Variants in NHSL2 observed in about 807,000 individuals in gnomAD.
The protein encoded by NHSL2 is NHS like 2, also known as NHS-like protein 2.
NHSL2 carries 27 observed loss-of-function variants against 53.4 expected under a neutral mutation model. That is an observed-to-expected ratio of 0.51 (90% CI 0.37 to 0.70). The LOEUF is 0.70. Ranked by LOEUF, NHSL2 falls within the 30% of genes least tolerant of loss-of-function variation. The pLI, the probability that NHSL2 is intolerant of heterozygous loss-of-function variation, is 0.00. For synonymous variants in NHSL2, 408 were observed against 404.1 expected, an observed-to-expected ratio of 1.01 and a Z score of -0.12; for missense variants, 892 against 980.1, an observed-to-expected ratio of 0.91 and a Z score of 1.20.
chrX:71,956,098 G>A (rs759928620), intron 1 of NHSL2, among the ~76,000 whole-genome samples: 1 of 111,565 alleles, frequency 9.0e-6, no homozygotes, highest in African/African-American at 3.3e-5. Flanking sequence ...AAAGCTACTT[G>A]GAGGCCACAT....
chrX:72,005,692 C>G (rs2042091366), intron 1 of NHSL2, among the ~76,000 whole-genome samples: 1 of 111,464 alleles, frequency 9.0e-6, no homozygotes, highest in African/African-American at 3.3e-5. Flanking sequence ...TGGTTTAGAA[C>G]TGGGGAATCA....
chrX:71,945,413 C>T (rs1459096225), intron 1 of NHSL2, among the ~76,000 whole-genome samples: 2 of 111,896 alleles, frequency 1.8e-5, no homozygotes, highest in Admixed American at 9.4e-5. Flanking sequence ...GAACAGTGTG[C>T]GTTACTGTGT....
intron 1 of NHSL2, among the ~76,000 whole-genome samples, chrX:72,065,309 C>A (rs1368847372): frequency 8.9e-6 from 1 of 112,227 alleles, no homozygotes; most frequent in Non-Finnish European, 1.9e-5. Flanking sequence ...GCTTCAAACA[C>A]CCAAACTTTG....
rs771342816 is a variant in NHSL2, at chrX:72,040,642, C to A, written c.281-91437C>A. On this transcript the variant is annotated intron_variant, in intron 1 of 7. Transcript: ENST00000633930. ...CTTCGTTATTTTATTCCAGGAGCATCCCCTGAGCACGTGCAGTGTGCCAGG... is the reference window on the plus strand; with the variant it reads ...CTTCGTTATTTTATTCCAGGAGCATACCCTGAGCACGTGCAGTGTGCCAGG... Among the ~76,000 whole-genome samples the A allele has an allele frequency of 1.4e-4, 16 of 112,220 alleles. 1 individual carries two copies. In the South Asian group the frequency reaches 5.9e-3, roughly 42 times the overall value.
Position 72,137,240 on chromosome X carries a change from G to A in NHSL2, c.892+15G>A, listed in dbSNP as rs1286373200. ...GCGAGACCAAGGTGACCCCACCACA[G>A]CTGATTCCCCAGTCCCTTCCCCTTA... On this transcript the variant is annotated intron_variant, in intron 5 of 7. Coordinates refer to ENST00000633930, the MANE Select transcript of NHSL2 (RefSeq NM_001013627.3). 8.6e-7 allele frequency: 1 copy of A among 1,156,732 alleles called. No individual in the cohort carries two copies. Among genetic ancestry groups the A allele is most frequent in the Non-Finnish European group, 1.2e-6 (1 of 864,244 alleles).
chrX:71,999,105 G>C (rs919968178), intron 1 of NHSL2, among the ~76,000 whole-genome samples: 9 of 111,834 alleles, frequency 8.0e-5, no homozygotes, highest in African/African-American at 2.6e-4. Context: ...GGGAGCTCTT[G>C]TTCATCCTTG....
chrX:72,119,367 C>T (rs2042164780), intron 1 of NHSL2, among the ~76,000 whole-genome samples: 1 of 111,912 alleles, frequency 8.9e-6, no homozygotes, highest in Admixed American at 9.4e-5. Context: ...GGAATATTGC[C>T]ATCTTAACAA....
In NHSL2 at chrX:71,956,567, T is replaced by G. The variant is rs567934838; in HGVS notation, c.280+45200T>G. On this transcript the variant is annotated intron_variant, in intron 1 of 7. Coordinates refer to ENST00000633930, the MANE Select transcript of NHSL2 (RefSeq NM_001013627.3). ...TCTAAACAGCAATTTTTAAAAAACA[T>G]AAAAGAAGTGTAATCTACTTTGCTT... Among the ~76,000 whole-genome samples, 3 of 111,649 alleles carry G rather than the reference T, an allele frequency of 2.7e-5. No individual in the cohort carries two copies. The South Asian group carries it at 1.2e-3, about 43-fold the overall frequency.
intron 1 of NHSL2, chrX:72,130,330 TTC>T (rs768319540): frequency 3.5e-5 from 41 of 1,171,719 alleles, no homozygotes; most frequent in Admixed American, 2.5e-4. Context: ...CTCCTCCTCT[TTC>T]TGTTTCATTT....
chrX:72,013,812 G>T (rs1256307697), intron 1 of NHSL2, among the ~76,000 whole-genome samples: 2 of 110,858 alleles, frequency 1.8e-5, no homozygotes, highest in Admixed American at 1.9e-4. Flanking sequence ...ATAAGTGTTA[G>T]ATTTTATCAA....
At chrX:72,131,260 G>C in intron 1 of NHSL2, 1 of 1,199,195 alleles carries the variant, frequency 8.3e-7, no homozygotes, top group Non-Finnish European at 1.1e-6. Context: ...GTCGGGCTCC[G>C]CGCGTGGGGG....
intron 1 of NHSL2, among the ~76,000 whole-genome samples, chrX:72,021,470 G>C (rs752658615): frequency 1.8e-5 from 2 of 111,856 alleles, no homozygotes; most frequent in Admixed American, 1.9e-4. Flanking sequence ...TCAGGGCCCA[G>C]GTAGGCCTTC....
chrX:72,028,015 C>T (rs1449005281), intron 1 of NHSL2, among the ~76,000 whole-genome samples: 2 of 111,729 alleles, frequency 1.8e-5, no homozygotes, highest in African/African-American at 3.3e-5. Flanking sequence ...GCTGCTGCCA[C>T]TGCTGCTGCT....
intron 1 of NHSL2, among the ~76,000 whole-genome samples, chrX:72,116,067 C>T (rs749337316): frequency 9.0e-6 from 1 of 111,615 alleles, no homozygotes; most frequent in South Asian, 3.8e-4. Context: ...ACCAGGCAGC[C>T]TGGGTTATAG....
chrX:71,942,037 T>G, intron 1 of NHSL2, among the ~76,000 whole-genome samples: 1 of 101,934 alleles, frequency 9.8e-6, no homozygotes, highest in Non-Finnish European at 2.0e-5. Flanking sequence ...CCAGCTCAGA[T>G]TTGGAAGGGG....
chrX:72,041,934 C>T (rs1489390445), intron 1 of NHSL2, among the ~76,000 whole-genome samples: 2 of 112,054 alleles, frequency 1.8e-5, no homozygotes, highest in African/African-American at 3.3e-5. Flanking sequence ...GTCGTGCGCT[C>T]GGGAGCCACC....
chrX:72,086,756 A>G (rs924260229), intron 1 of NHSL2, among the ~76,000 whole-genome samples: 21 of 110,520 alleles, frequency 1.9e-4, no homozygotes, highest in Admixed American at 1.1e-3. Context: ...TCAAAGGGGT[A>G]AAAACATGAG....
chrX:72,134,635 A>T lies in NHSL2; in HGVS notation c.691A>T (p.Ile231Phe), dbSNP rs762486583. ...TAWNSLFPLP[I>F]LEEKRWPQLC... Reference sequence around the variant, plus strand: ...CTGGAATAGCCTTTTCCCTCTGCCCATCCTAGAGGAGAAGCGGTGGCCTCA... The same window carrying T: ...CTGGAATAGCCTTTTCCCTCTGCCCTTCCTAGAGGAGAAGCGGTGGCCTCA... Residue 231 changes from isoleucine (I) to phenylalanine (F), a missense_variant, in exon 4 of 8, where the codon ATC (isoleucine) becomes TTC (phenylalanine). By Grantham distance (21) the Ile-to-Phe change is conservative. Transcript: ENST00000633930. 2 of 1,167,105 alleles carry T rather than the reference A, an allele frequency of 1.7e-6. No individual in the cohort carries two copies. Among genetic ancestry groups the T allele is most frequent in the Admixed American group, 5.1e-5 (2 of 38,847 alleles).
At chrX:71,986,328 T>C (rs187025043) in intron 1 of NHSL2, among the ~76,000 whole-genome samples, 135 of 111,757 alleles carry the variant, frequency 1.2e-3, no homozygotes, top group African/African-American at 4.1e-3. Context: ...GAATCCCAGG[T>C]CACCGTAAGT....
Sources: allele counts gnomAD v4.1 joint callset (sites outside exome capture counted in the v4.1 genomes callset), GRCh38; gene constraint gnomAD v4.1.1; transcripts MANE v1.5; gene names NCBI Gene and HGNC (gene_info 2026-07-23, HGNC 2026-07-21).